TIAM2: variants seen among roughly 807,000 people sequenced by gnomAD.
TIAM2 encodes rho guanine nucleotide exchange factor TIAM2.
Under a neutral mutation model 152.9 loss-of-function variants are expected in TIAM2, and 80 were observed. That is an observed-to-expected ratio of 0.52 (90% CI 0.44 to 0.63). TIAM2 has a LOEUF of 0.63. Among genes scored for constraint, TIAM2 ranks in the 30% least tolerant of loss-of-function variants. The pLI is 0.00. For missense variants in TIAM2, 1,965 were observed against 2,120.1 expected, an observed-to-expected ratio of 0.93 and a Z score of 1.44; for synonymous variants, 804 against 838.0, an observed-to-expected ratio of 0.96 and a Z score of 0.70.
intron 1 of TIAM2, among the ~76,000 whole-genome samples, chr6:155,087,091 G>C (rs1483450874): frequency 6.6e-6 from 1 of 152,174 alleles, no homozygotes; most frequent in Non-Finnish European, 1.5e-5. Context: ...TATGATGGTA[G>C]GTGATCAGAG....
chr6:155,202,048 A>G (rs528883568), intron 14 of TIAM2, among the ~76,000 whole-genome samples: 2 of 152,262 alleles, frequency 1.3e-5, no homozygotes, highest in Admixed American at 6.5e-5. Context: ...AAAAAAATGC[A>G]AAGTCCCAGA....
chr6:155,232,597 G>A (rs1235056966), intron 15 of TIAM2: 3 of 152,258 alleles, frequency 2.0e-5, no homozygotes, highest in African/African-American at 7.2e-5. Flanking sequence ...CTGGTTTGGG[G>A]AAACTCTGAG....
rs901688009 is a variant in TIAM2, at chr6:155,028,377, T to G, written c.-209+32885T>G. On this transcript the variant is annotated intron_variant, in intron 1 of 26. Transcript: ENST00000682666. ...TATATACTACATATAATATATATAC[T>G]GTGTTACATATATACTACATATATA... Among the ~76,000 whole-genome samples the G allele has an allele frequency of 3.9e-4, 48 of 123,176 alleles. 13 individuals are homozygous for G. The highest frequency in any genetic ancestry group is 1.4e-3 in the African/African-American group (41 of 28,354). 80.8% of individuals were successfully genotyped at this position (123,176 alleles called of 152,430 possible). A position where few individuals can be genotyped will look rare whatever the true frequency, so the allele number is the denominator to read the frequency against.
intron 2 of TIAM2, 78 bp from the exon 3 acceptor site, chr6:155,127,412 C>G: frequency 2.7e-6 from 1 of 365,816 alleles, no homozygotes; most frequent in Non-Finnish European, 5.3e-6. Context: ...ATATAATTTG[C>G]GTTAAGGCTT....
intron 2 of TIAM2, among the ~76,000 whole-genome samples, chr6:155,125,231 G>C (rs1439555254): frequency 6.6e-6 from 1 of 151,828 alleles, no homozygotes; most frequent in Non-Finnish European, 1.5e-5. Flanking sequence ...AGATTGTACC[G>C]CTGCACTCCA....
At chr6:155,256,350 C>A in intron 26 of TIAM2, 134 bp from the exon 27 acceptor site, 1 of 1,340,354 alleles carries the variant, frequency 7.5e-7, no homozygotes, top group Non-Finnish European at 1.0e-6. Flanking sequence ...GCCTAATTAC[C>A]AGGATAGTTG....
At chr6:155,077,637 C>T (rs1777988717) in intron 1 of TIAM2, among the ~76,000 whole-genome samples, 2 of 152,184 alleles carry the variant, frequency 1.3e-5, no homozygotes, top group African/African-American at 2.4e-5. Context: ...ATTAGAGAAA[C>T]CAGGACGGGA....
At chr6:155,252,710 G>C (rs574718585) in intron 23 of TIAM2, among the ~76,000 whole-genome samples, 2 of 152,332 alleles carry the variant, frequency 1.3e-5, no homozygotes, top group African/African-American at 2.4e-5. Flanking sequence ...TTTGGCTGCT[G>C]TTCTTGCTTT....
At chr6:155,182,160 G>A (rs1012199472) in intron 12 of TIAM2, 66 bp from the exon 13 acceptor site, 25 of 1,295,622 alleles carry the variant, frequency 1.9e-5, no homozygotes, top group African/African-American at 1.2e-4. Flanking sequence ...AGATACTGCC[G>A]GTGTGGTTGG....
chr6:155,132,455 C>A (rs938529107), intron 4 of TIAM2, among the ~76,000 whole-genome samples: 2 of 151,870 alleles, frequency 1.3e-5, no homozygotes, highest in African/African-American at 4.8e-5. Context: ...AGGTGAAGAA[C>A]AGATGATCAG....
At chr6:155,016,604 A>G (rs997199370) in intron 1 of TIAM2, among the ~76,000 whole-genome samples, 1 of 126,408 alleles carries the variant, frequency 7.9e-6, no homozygotes, top group Non-Finnish European at 1.8e-5. Context: ...AAATTAAAAA[A>G]ACCAGACTGC....
chr6:155,016,953 G>A (rs1221410001), intron 1 of TIAM2, among the ~76,000 whole-genome samples: 1 of 152,138 alleles, frequency 6.6e-6, no homozygotes, highest in Non-Finnish European at 1.5e-5. Flanking sequence ...GGGAGGCAGG[G>A]ATATCACCTG....
intron 9 of TIAM2, among the ~76,000 whole-genome samples, chr6:155,167,159 A>G (rs1471824030): frequency 6.6e-6 from 1 of 152,174 alleles, no homozygotes; most frequent in African/African-American, 2.4e-5. Flanking sequence ...TGTGGCCACC[A>G]TGTTTATATA....
chr6:155,239,065 G>C (rs926758104), intron 15 of TIAM2, among the ~76,000 whole-genome samples: 1 of 152,138 alleles, frequency 6.6e-6, no homozygotes, highest in Non-Finnish European at 1.5e-5. Context: ...CATGCATCAG[G>C]CTACCAAGTT....
At chr6:155,143,792 G>A (rs1779764341) in intron 5 of TIAM2, among the ~76,000 whole-genome samples, 1 of 152,056 alleles carries the variant, frequency 6.6e-6, no homozygotes, top group Non-Finnish European at 1.5e-5. Context: ...TGGGACCCCT[G>A]CAAGGAATTC....
intron 1 of TIAM2, among the ~76,000 whole-genome samples, chr6:155,029,555 A>AT (rs1562295331): frequency 2.0e-3 from 136 of 66,632 alleles, no homozygotes; most frequent in Non-Finnish European, 2.6e-3. Context: ...TATGTAGTAT[A>AT]AATATATACT....
rs111486916 is a variant in TIAM2 at position 155,201,832 on chromosome 6, T to C, written c.3065-9372T>C. ...AAACATTTACTACCAGCATTTACTT[T>C]ACTGCTCTCTGTTTATTGCCGGTGT... On this transcript the variant is annotated intron_variant, in intron 14 of 26. Transcript: ENST00000682666. Among the ~76,000 whole-genome samples, 9 of 152,364 alleles carry C rather than the reference T, an allele frequency of 5.9e-5. 1 individual carries two copies. Among genetic ancestry groups the C allele is most frequent in the African/African-American group, 1.9e-4 (8 of 41,586 alleles).
At chr6:155,243,919 C>T in intron 16 of TIAM2, 92 bp from the exon 17 acceptor site, 1 of 802,090 alleles carries the variant, frequency 1.2e-6, no homozygotes, top group Non-Finnish European at 2.1e-6. Flanking sequence ...TGATGGGAGC[C>T]TTGGGAGCTG....
At chr6:155,078,149 A>C (rs1258259000) in intron 1 of TIAM2, among the ~76,000 whole-genome samples, 1 of 151,870 alleles carries the variant, frequency 6.6e-6, no homozygotes, top group Non-Finnish European at 1.5e-5. Flanking sequence ...GGCTCAAGTG[A>C]TCTTCCTACC....
Sources: gnomAD v4.1 joint callset for allele counts (sites outside exome capture counted in the v4.1 genomes callset) on GRCh38, gnomAD v4.1.1 for gene constraint, MANE v1.5 for transcripts, NCBI Gene and HGNC (gene_info 2026-07-23, HGNC 2026-07-21) for gene names.